Variants in MLPH observed in about 807,000 individuals in gnomAD.
MLPH encodes the protein exophilin-3.
Under a neutral mutation model 72.1 loss-of-function variants are expected in MLPH, and 51 were observed. The observed-to-expected ratio is 0.71, with a 90% CI of 0.56 to 0.89. The LOEUF (loss-of-function observed/expected upper bound fraction) is 0.89. Among genes scored for constraint, MLPH ranks in the 40% least tolerant of loss-of-function variants. MLPH has a pLI of 0.00. For synonymous variants in MLPH, 301 were observed against 310.1 expected (o/e 0.97, Z 0.31); for missense variants, 743 against 759.9 (o/e 0.98, Z 0.26).
intron 7 of MLPH, 125 bp downstream of exon 7, chr2:237,525,930 G>C (rs576841544): frequency 4.4e-5 from 43 of 972,096 alleles, no homozygotes; most frequent in Non-Finnish European, 6.8e-5. Flanking sequence ...TTCCTTTGGC[G>C]TGATTGTCCG....
chr2:237,490,216 G>C (rs2095068525), intron 1 of MLPH, among the ~76,000 whole-genome samples: 1 of 152,096 alleles, frequency 6.6e-6, no homozygotes, highest in South Asian at 2.1e-4. Flanking sequence ...ACTCCTCATG[G>C]GTCTAGCATA....
At position 237,548,634 on chromosome 2, in the gene MLPH, C is replaced by T. The variant is rs150546439; in HGVS notation, c.1618-587C>T. ...CTGTAATCCCAGCACTTTGGGAGGC[C>T]GAGGTGGGCGGATCACAAGATCAGG... is the stretch of plus-strand genomic sequence containing the variant. On this transcript the variant is annotated intron_variant, in intron 13 of 15. Transcript: ENST00000264605. Among the ~76,000 whole-genome samples the T allele has an allele frequency of 8.2e-4, 124 of 152,122 alleles. No individual in the cohort carries two copies. The East Asian group carries it at 0.019, about 23-fold the overall frequency.
intron 6 of MLPH, among the ~76,000 whole-genome samples, chr2:237,522,794 A>G (rs1418701737): frequency 6.6e-6 from 1 of 152,174 alleles, no homozygotes; most frequent in Admixed American, 6.5e-5. Context: ...TGGGGTCTGG[A>G]ATAAATATGT....
chr2:237,529,959 C>T (rs1038126927), intron 8 of MLPH, among the ~76,000 whole-genome samples: 9 of 152,206 alleles, frequency 5.9e-5, no homozygotes, highest in African/African-American at 2.2e-4. Context: ...TGAGCCTTGT[C>T]AGGAAAGGCC....
In MLPH at chr2:237,540,833, A is replaced by G; in HGVS notation, c.1322A>G (p.Gln441Arg). The G allele has an allele frequency of 6.2e-7, 1 of 1,613,348 alleles. No individual in the cohort carries two copies. Among genetic ancestry groups the G allele is most frequent in the Non-Finnish European group, 8.5e-7 (1 of 1,179,988 alleles). ...VGTAAHQTNR[Q>R]EKSPQDPGDP... Reference sequence around the variant, plus strand: ...ACGGCTGCCCATCAAACCAACAGACAGGAAAAAAGCCCCCAGGACCCTGGG... The same window carrying G: ...ACGGCTGCCCATCAAACCAACAGACGGGAAAAAAGCCCCCAGGACCCTGGG... Residue 441 changes from glutamine (Q) to arginine (R), a missense_variant, in exon 11 of 16, where the codon CAG becomes CGG. By Grantham distance (43) the Gln-to-Arg change is conservative. Transcript: ENST00000264605.
At chr2:237,496,715 A>C (rs78310531) in intron 2 of MLPH, among the ~76,000 whole-genome samples, 2 of 135,754 alleles carry the variant, frequency 1.5e-5, no homozygotes, top group South Asian at 4.4e-4. Flanking sequence ...CTATGTGATT[A>C]GGGGGGGGCT....
At chr2:237,519,836 G>A (rs1286841656) in intron 5 of MLPH, 74 bp from the exon 6 acceptor site, 2 of 1,608,930 alleles carry the variant, frequency 1.2e-6, no homozygotes, top group African/African-American at 1.3e-5. Flanking sequence ...TGGGGTTGGG[G>A]AGGTGCAGGG....
Position 237,527,446 on chromosome 2 carries a change from A to G in MLPH, c.950A>G (p.Glu317Gly). The G allele has an allele frequency of 6.2e-7, 1 of 1,614,200 alleles. No homozygotes were observed. The highest frequency in any genetic ancestry group is 1.7e-5 in the Admixed American group (1 of 60,020). The change falls in exon 8 of 16, where the codon GAA (glutamate) becomes GGA (glycine). Residue 317 changes from glutamate to glycine, a missense_variant. By Grantham distance (98) the Glu-to-Gly change is moderately conservative. Coordinates refer to ENST00000264605, the MANE Select transcript of MLPH (RefSeq NM_024101.7). ...YLADVDTSDE[E>G]SIRAHVMASH... Reference sequence around the variant, plus strand: ...GCCGATGTGGACACCTCTGATGAGGAAAGCATCCGGGCTCACGTGATGGCC... The same window carrying G: ...GCCGATGTGGACACCTCTGATGAGGGAAGCATCCGGGCTCACGTGATGGCC...
intron 8 of MLPH, among the ~76,000 whole-genome samples, chr2:237,529,979 C>T (rs551214196): frequency 2.0e-5 from 3 of 152,182 alleles, no homozygotes; most frequent in Non-Finnish European, 4.4e-5. Flanking sequence ...CTGGAAGCAG[C>T]GAGGACGCAG....
Position 237,553,426 on chromosome 2 carries a change from C to T in MLPH, c.1777-140C>T, listed in dbSNP as rs112744921. ...TGCCTCACATGCATGTGTGCACAAA[C>T]GTGTAATCTAAATTTGTGTCTACAG... is the stretch of plus-strand genomic sequence containing the variant. On this transcript the variant is annotated intron_variant, in intron 15 of 15. Coordinates refer to ENST00000264605, the MANE Select transcript of MLPH (RefSeq NM_024101.7). The T allele has an allele frequency of 0.075, 62,275 of 831,812 alleles. 2,600 individuals carry two copies. Among genetic ancestry groups the T allele is most frequent in the Non-Finnish European group, 0.086 (43,290 of 503,980 alleles). The allele number at this position is 831,812 out of a possible 1,614,324, so 51.5% of individuals were successfully genotyped here.
chr2:237,527,548 C>T (rs191454012), intron 8 of MLPH, 32 bp downstream of exon 8: 8 of 1,613,424 alleles, frequency 5.0e-6, no homozygotes, highest in South Asian at 1.1e-5. Context: ...TCTGTCTTGT[C>T]GTTTCTTTGG....
At chr2:237,526,858 G>A (rs142982138) in intron 7 of MLPH, among the ~76,000 whole-genome samples, 343 of 152,340 alleles carry the variant, frequency 2.3e-3, no homozygotes, top group African/African-American at 7.7e-3. Flanking sequence ...AATCTGCAAA[G>A]TCTGAGATTC....
At chr2:237,552,786 T>C (rs979917064) in intron 15 of MLPH, among the ~76,000 whole-genome samples, 2 of 152,160 alleles carry the variant, frequency 1.3e-5, no homozygotes, top group Non-Finnish European at 2.9e-5. Flanking sequence ...TCACCTAATA[T>C]TGTGAAGAAA....
chr2:237,553,359 A>G, intron 15 of MLPH: 1 of 651,630 alleles, frequency 1.5e-6, no homozygotes, highest in African/African-American at 1.8e-5. Context: ...GGAAGTCAGC[A>G]CGAATTGGCC....
intron 2 of MLPH, among the ~76,000 whole-genome samples, chr2:237,493,745 T>C (rs559452801): frequency 1.4e-4 from 22 of 152,344 alleles, no homozygotes; most frequent in African/African-American, 4.3e-4. Flanking sequence ...ACTTGTTCTC[T>C]GAATAGTTTT....
chr2:237,489,052 A>C (rs1309401703), intron 1 of MLPH, among the ~76,000 whole-genome samples: 3 of 152,088 alleles, frequency 2.0e-5, no homozygotes, highest in African/African-American at 7.2e-5. Flanking sequence ...GAGCTCAGCC[A>C]TTGTCCATGG....
chr2:237,544,444 A>G (rs1284145528), intron 12 of MLPH, among the ~76,000 whole-genome samples: 9 of 34,318 alleles, frequency 2.6e-4, no homozygotes, highest in East Asian at 9.3e-4. Flanking sequence ...TGGGCACGGT[A>G]GTGAGTGGGG....
intron 1 of MLPH, 42 bp from the exon 2 acceptor site, chr2:237,493,361 A>G: frequency 7.9e-7 from 1 of 1,267,166 alleles, no homozygotes; most frequent in Non-Finnish European, 1.2e-6. Context: ...TGGTATTGGT[A>G]GGCTTCTGGG....
At chr2:237,534,492 G>A (rs1397542747) in intron 8 of MLPH, 72 bp from the exon 9 acceptor site, 2 of 1,239,164 alleles carry the variant, frequency 1.6e-6, no homozygotes, top group Non-Finnish European at 2.4e-6. Context: ...CTTCAGAGGT[G>A]GTGGGTGCCA....
Sources: allele counts gnomAD v4.1 joint callset (sites outside exome capture counted in the v4.1 genomes callset), GRCh38; gene constraint gnomAD v4.1.1; transcripts MANE v1.5; gene names NCBI Gene and HGNC (gene_info 2026-07-23, HGNC 2026-07-21).